RAD54B: variants seen among roughly 807,000 people sequenced by gnomAD.
RAD54B encodes the protein RAD54 homolog B.
Under a neutral mutation model 95.8 loss-of-function variants are expected in RAD54B, and 78 were observed. The observed-to-expected ratio is 0.81, with a 90% CI of 0.68 to 0.98. RAD54B has a LOEUF of 0.98. RAD54B is among the 50% of genes least tolerant of loss of function. RAD54B has a pLI of 0.00. For missense variants in RAD54B, 957 were observed against 1,056.6 expected (o/e 0.91, Z 1.31); for synonymous variants, 328 against 354.9 (o/e 0.92, Z 0.85).
At chr8:94,414,137 AAGAATTCTTATAGTTTAAAAAT>A (rs1304382659) in intron 3 of RAD54B, among the ~76,000 whole-genome samples, 1 of 152,104 alleles carries the variant, frequency 6.6e-6, no homozygotes, top group Non-Finnish European at 1.5e-5. Flanking sequence ...CACCCAGCCT[AAGAATTCTTATAGTTTAAAAAT>A]AAGACAACAT....
At chr8:94,373,348 C>T (rs1810485705) in intron 14 of RAD54B, among the ~76,000 whole-genome samples, 3 of 152,210 alleles carry the variant, frequency 2.0e-5, no homozygotes, top group Admixed American at 2.0e-4. Flanking sequence ...CTCTTTCCTC[C>T]AGGGCACTTA....
At chr8:94,422,702 TTCTAAA>T (rs1366859798) in intron 3 of RAD54B, among the ~76,000 whole-genome samples, 1 of 127,578 alleles carries the variant, frequency 7.8e-6, no homozygotes, top group East Asian at 2.5e-4. Context: ...TTTTTGCCAA[TTCTAAA>T]TCCAGTTTCA....
At chr8:94,405,746 C>T (rs1748508105) in intron 5 of RAD54B, among the ~76,000 whole-genome samples, 1 of 152,090 alleles carries the variant, frequency 6.6e-6, no homozygotes, top group Non-Finnish European at 1.5e-5. Flanking sequence ...AAATCACATA[C>T]TGCCCAAGCA....
At chr8:94,431,088 T>C (rs1812080891) in intron 3 of RAD54B, 6 of 984,148 alleles carry the variant, frequency 6.1e-6, no homozygotes, top group South Asian at 4.7e-5. Context: ...CCAGCAAAAA[T>C]AGAAATTCTT....
intron 5 of RAD54B, among the ~76,000 whole-genome samples, chr8:94,404,720 T>A (rs975038081): frequency 6.6e-6 from 1 of 152,158 alleles, no homozygotes; most frequent in African/African-American, 2.4e-5. Flanking sequence ...ATTACTCCTA[T>A]TAATTAGAAC....
intron 14 of RAD54B, 83 bp from the exon 15 acceptor site, chr8:94,372,470 AG>A (rs1450773802): frequency 6.5e-7 from 1 of 1,533,998 alleles, no homozygotes; most frequent in Non-Finnish European, 8.7e-7. Flanking sequence ...TATGATAATT[AG>A]TTTATGTGAT....
At chr8:94,467,695 A>G (rs1036801672) in intron 1 of RAD54B, 140 bp from the exon 2 acceptor site, 2 of 820,718 alleles carry the variant, frequency 2.4e-6, no homozygotes, top group Non-Finnish European at 3.6e-6. Context: ...CATAGAAACA[A>G]AAGGAAAATC....
intron 8 of RAD54B, among the ~76,000 whole-genome samples, chr8:94,395,019 T>C (rs1467341967): frequency 6.6e-6 from 1 of 152,198 alleles, no homozygotes; most frequent in Admixed American, 6.5e-5. Context: ...TATGTTGGTA[T>C]ATATTCAGTT....
intron 3 of RAD54B, among the ~76,000 whole-genome samples, chr8:94,422,620 ATATAT>A (rs1811845625): frequency 5.9e-4 from 25 of 42,320 alleles, no homozygotes; most frequent in East Asian, 2.5e-3. Context: ...AAAAAAAAAT[ATATAT>A]ATATATATAT....
rs776928927 is a variant in RAD54B, at chr8:94,391,852, G to A, written c.1566C>T (p.Leu522=). 6.2e-7 allele frequency: 1 copy of A among 1,613,284 alleles called. No individual in the cohort carries two copies. The highest frequency in any genetic ancestry group is 1.1e-5 in the South Asian group (1 of 90,786). ...TTCTTCTAAGGATAAAGAGTCCAGTGAGGCAAGTAAGTTCAGCTGCTCTTC... is the reference window on the plus strand; with the variant it reads ...TTCTTCTAAGGATAAAGAGTCCAGTAAGGCAAGTAAGTTCAGCTGCTCTTC... ...GERRAAELTC[L]TGLFILRRTQ... The change falls in exon 10 of 15, where the codon CTC becomes CTT. Residue 522 remains leucine, a synonymous_variant. Transcript: ENST00000336148.
intron 3 of RAD54B, chr8:94,432,537 G>C (rs1273492251): frequency 6.4e-7 from 1 of 1,550,398 alleles, no homozygotes; most frequent in Non-Finnish European, 8.7e-7. Context: ...TAAAACCAGT[G>C]GAGGAGGTGG....
intron 3 of RAD54B, among the ~76,000 whole-genome samples, chr8:94,441,742 G>C (rs1437044570): frequency 2.0e-5 from 3 of 152,114 alleles, no homozygotes; most frequent in Non-Finnish European, 4.4e-5. Context: ...CTCTCTAATG[G>C]TGCCTTGGTC....
intron 1 of RAD54B, among the ~76,000 whole-genome samples, chr8:94,470,795 A>G: frequency 6.6e-6 from 1 of 152,030 alleles, no homozygotes. Context: ...TAATGATGCT[A>G]GTATCAATTA....
intron 3 of RAD54B, chr8:94,430,434 G>C: frequency 5.1e-6 from 5 of 985,038 alleles, no homozygotes; most frequent in African/African-American, 1.7e-5. Flanking sequence ...GTATGATTTA[G>C]GCACCAAGCG....
chr8:94,375,253 C>T (rs1214113247), intron 14 of RAD54B, among the ~76,000 whole-genome samples: 1 of 152,140 alleles, frequency 6.6e-6, no homozygotes, highest in African/African-American at 2.4e-5. Flanking sequence ...CCTAATTGTA[C>T]ATCTATGGAT....
intron 3 of RAD54B, chr8:94,432,182 C>G: frequency 6.5e-7 from 1 of 1,550,176 alleles, no homozygotes; most frequent in Non-Finnish European, 8.7e-7. Context: ...TTGCTTTCAG[C>G]TTCTCCACTT....
At chr8:94,394,198 C>A (rs1485670131) in intron 8 of RAD54B, among the ~76,000 whole-genome samples, 1 of 152,096 alleles carries the variant, frequency 6.6e-6, no homozygotes, top group Non-Finnish European at 1.5e-5. Context: ...CCCTGAGTGA[C>A]CCTGAGAAAG....
intron 14 of RAD54B, among the ~76,000 whole-genome samples, chr8:94,376,745 T>C (rs1169832073): frequency 6.7e-6 from 1 of 148,628 alleles, no homozygotes; most frequent in Admixed American, 6.7e-5. Context: ...ATTAGTTATA[T>C]ATTTATATAT....
At chr8:94,452,265 G>C (rs1431640937) in intron 3 of RAD54B, among the ~76,000 whole-genome samples, 1 of 152,206 alleles carries the variant, frequency 6.6e-6, no homozygotes, top group Admixed American at 6.5e-5. Flanking sequence ...TGGAGAAACA[G>C]AAACATTCAG....
Sources: gnomAD v4.1 joint callset for allele counts (sites outside exome capture counted in the v4.1 genomes callset) on GRCh38, gnomAD v4.1.1 for gene constraint, MANE v1.5 for transcripts, NCBI Gene and HGNC (gene_info 2026-07-23, HGNC 2026-07-21) for gene names.